BTG4: variants seen among roughly 807,000 people sequenced by gnomAD.
BTG4 encodes protein BTG4.
In BTG4, 10 loss-of-function variants were observed where a neutral mutation model predicts 19.3. That is an observed-to-expected ratio of 0.52 (90% CI 0.32 to 0.88). BTG4 has a LOEUF of 0.88. BTG4 is among the 40% of genes least tolerant of loss of function. BTG4 has a pLI of 0.04. For synonymous variants in BTG4, 91 were observed against 95.7 expected, an observed-to-expected ratio of 0.95 and a Z score of 0.29; for missense variants, 238 against 281.9, an observed-to-expected ratio of 0.84 and a Z score of 1.11.
At chr11:111,505,798 T>C (rs1008719411) in intron 1 of BTG4, among the ~76,000 whole-genome samples, 1 of 151,528 alleles carries the variant, frequency 6.6e-6, no homozygotes, top group Non-Finnish European at 1.5e-5. Flanking sequence ...ACAAACCAAT[T>C]GAAAATGGGG....
At chr11:111,393,804 A>G in the BTG4 span, among the ~76,000 whole-genome samples, 28 of 152,186 alleles carry the variant, frequency 1.8e-4, no homozygotes, top group African/African-American at 6.3e-4. Context: ...GCAAATGTGA[A>G]CTTGAACTCT....
intron 4 of BTG4, 120 bp from the exon 5 acceptor site, chr11:111,495,434 T>C (rs1021773514): frequency 2.4e-5 from 20 of 817,150 alleles, no homozygotes; most frequent in African/African-American, 1.8e-5. Flanking sequence ...GAATTGAAAG[T>C]GCATAACCAT....
chr11:111,453,559 G>A, the BTG4 span: 9 of 455,508 alleles, frequency 2.0e-5, no homozygotes, highest in South Asian at 7.8e-5. Context: ...AGACTCTGAC[G>A]CCCCCAGGGT....
the BTG4 span, among the ~76,000 whole-genome samples, chr11:111,401,819 C>T: frequency 6.6e-6 from 1 of 152,066 alleles, no homozygotes; most frequent in Non-Finnish European, 1.5e-5. Context: ...CACTGTATCC[C>T]CATCACCTAA....
intron 5 of BTG4, among the ~76,000 whole-genome samples, chr11:111,479,315 A>T (rs138881101): frequency 2.6e-5 from 4 of 152,156 alleles, no homozygotes; most frequent in Non-Finnish European, 5.9e-5. Flanking sequence ...CAGATGAATC[A>T]AAGCTAAGAA....
At chr11:111,513,489 C>T (rs1051896302), upstream of BTG4, 1 of 533,218 alleles carries the variant, frequency 1.9e-6, no homozygotes, top group Non-Finnish European at 3.9e-6. Context: ...GTACCAATCA[C>T]TAACCACACG....
the BTG4 span, chr11:111,397,106 T>C: frequency 6.6e-6 from 1 of 152,216 alleles, no homozygotes; most frequent in Admixed American, 6.5e-5. Flanking sequence ...TCGTTTCCTA[T>C]TTTCCCTAAG....
chr11:111,446,879 C>T, the BTG4 span, among the ~76,000 whole-genome samples: 1 of 152,180 alleles, frequency 6.6e-6, no homozygotes, highest in East Asian at 1.9e-4. Flanking sequence ...CCACCAGCCA[C>T]CTATGGCTAC....
intron 5 of BTG4, among the ~76,000 whole-genome samples, chr11:111,488,588 G>C (rs1865207775): frequency 6.6e-6 from 1 of 152,068 alleles, no homozygotes; most frequent in African/African-American, 2.4e-5. Context: ...AAACAAAAAT[G>C]GACAAATGAG....
the BTG4 span, among the ~76,000 whole-genome samples, chr11:111,437,876 A>G: frequency 6.6e-6 from 1 of 152,106 alleles, no homozygotes; most frequent in Admixed American, 6.5e-5. Flanking sequence ...AATGATCTCT[A>G]TCCTCAACAT....
chr11:111,475,385 T>A (rs1333262564), intron 5 of BTG4: 1 of 152,132 alleles, frequency 6.6e-6, no homozygotes, highest in African/African-American at 2.4e-5. Context: ...TGACTAAAAC[T>A]TTCTGGGAAT....
chr11:111,404,349 A>C, the BTG4 span, among the ~76,000 whole-genome samples: 12 of 152,344 alleles, frequency 7.9e-5, no homozygotes, highest in African/African-American at 2.6e-4. Flanking sequence ...AGAAAACTAA[A>C]ATTCAAAAGA....
At chr11:111,385,074 T>C in the BTG4 span, 3 of 151,508 alleles carry the variant, frequency 2.0e-5, no homozygotes, top group Admixed American at 6.6e-5. Flanking sequence ...TTTGTTCTTA[T>C]TACAAAAAAA....
In BTG4 at chr11:111,497,281, C is replaced by T. The variant is rs1457865920; in HGVS notation, c.440G>A (p.Cys147Tyr). ...TTCCTTGCTACAACTTTCTTCATCGCAGGAAGTGCCAGAGGAAACGTCTGA... is the reference window on the plus strand; with the variant it reads ...TTCCTTGCTACAACTTTCTTCATCGTAGGAAGTGCCAGAGGAAACGTCTGA... The part of the protein sequence containing the change: ...ASSDVSSGTS[C>Y]DEESCSKEPR... The change falls in exon 4 of 5, where the codon TGC (cysteine) becomes TAC (tyrosine). Residue 147 changes from cysteine to tyrosine, a missense_variant. Cys to Tyr is a radical substitution (Grantham distance 194). Coordinates refer to ENST00000692032, the MANE Select transcript of BTG4 (RefSeq NM_001367975.1). 6.2e-7 allele frequency: 1 copy of T among 1,611,488 alleles called. No homozygotes were observed. The highest frequency in any genetic ancestry group is 8.5e-7 in the Non-Finnish European group (1 of 1,179,084).
At chr11:111,507,500 C>T (rs1866540432) in intron 1 of BTG4, among the ~76,000 whole-genome samples, 1 of 152,104 alleles carries the variant, frequency 6.6e-6, no homozygotes, top group African/African-American at 2.4e-5. Context: ...ATTGATCCTT[C>T]ATTGACTCAA....
At chr11:111,486,762 T>G (rs1387674868) in intron 5 of BTG4, among the ~76,000 whole-genome samples, 2 of 152,306 alleles carry the variant, frequency 1.3e-5, no homozygotes, top group Admixed American at 1.3e-4. Context: ...ATGTGATATA[T>G]CACATTAAGA....
chr11:111,497,427 T>C lies in BTG4; in HGVS notation c.312-18A>G. On this transcript the variant is annotated intron_variant, in intron 3 of 4. Coordinates refer to ENST00000692032, the MANE Select transcript of BTG4 (RefSeq NM_001367975.1). The stretch of plus-strand genomic sequence containing the variant: ...CACCATACCTAAGTAGGAAAAGAAA[T>C]TTAAGTGCTAATTAGCGATTCAACT... The C allele has an allele frequency of 7.3e-7, 1 of 1,364,652 alleles. No homozygotes were observed. The highest frequency in any genetic ancestry group is 9.6e-7 in the Non-Finnish European group (1 of 1,045,024). 84.5% of individuals were successfully genotyped at this position (1,364,652 alleles called of 1,614,324 possible).
intron 5 of BTG4, among the ~76,000 whole-genome samples, chr11:111,471,395 C>T (rs1340212237): frequency 1.3e-5 from 2 of 152,188 alleles, no homozygotes; most frequent in East Asian, 3.8e-4. Flanking sequence ...TGTTGGACCC[C>T]AATTCCCACA....
At position 111,498,152 on chromosome 11, in the gene BTG4, G is replaced by A; in HGVS notation, c.174-17C>T. Reference sequence around the variant, plus strand: ...CTGATGCACCTTTTTAAAAAGCGAAGGGAAACGAAGACATGATGACAGACA... The same window carrying A: ...CTGATGCACCTTTTTAAAAAGCGAAAGGAAACGAAGACATGATGACAGACA... On this transcript the variant is annotated splice_polypyrimidine_tract_variant and intron_variant, in intron 2 of 4. Transcript: ENST00000692032. 1 of 1,612,916 alleles carries A rather than the reference G, an allele frequency of 6.2e-7. No homozygotes were observed. Among genetic ancestry groups the A allele is most frequent in the Non-Finnish European group, 8.5e-7 (1 of 1,179,678 alleles).
Sources: gnomAD v4.1 joint callset for allele counts (sites outside exome capture counted in the v4.1 genomes callset) on GRCh38, gnomAD v4.1.1 for gene constraint, MANE v1.5 for transcripts, NCBI Gene and HGNC (gene_info 2026-07-23, HGNC 2026-07-21) for gene names.